VWA3A: variants seen among roughly 807,000 people sequenced by gnomAD.
VWA3A encodes the protein von Willebrand factor A domain containing 3A, also known as von Willebrand factor A domain-containing protein 3A.
A neutral mutation model predicts 160.4 loss-of-function variants in VWA3A; 134 were observed. The ratio of observed to expected loss-of-function variants is 0.84; its 90% CI spans 0.73 to 0.96. The LOEUF (loss-of-function observed/expected upper bound fraction) is 0.96, where lower values mean the gene tolerates loss of function less well. VWA3A is among the 40% of genes least tolerant of loss of function. The probability of loss-of-function intolerance (pLI) is 0.00; values close to 1 mark genes in which losing one functional copy is unlikely to be tolerated. For missense variants in VWA3A, 1,310 were observed against 1,447.9 expected (o/e 0.90, Z 1.55); for synonymous variants, 476 against 543.4 (o/e 0.88, Z 1.72).
Position 22,138,482 on chromosome 16 carries a change from C to A in VWA3A, c.2262C>A (p.Pro754=), listed in dbSNP as rs772059692. ...GTCAGCCCAAGAAGCTCTGCCCTCC[C>A]AGGCCCACCGTCCCCCTGGGGGCCA... ...LRSQPKKLCP[P]RPTVPLGARM... Residue 754 remains proline (P), a synonymous_variant, in exon 22 of 34, where the codon CCC becomes CCA. Coordinates refer to ENST00000389398, the MANE Select transcript of VWA3A (RefSeq NM_173615.5). 6.2e-7 allele frequency: 1 copy of A among 1,613,998 alleles called. No individual in the cohort carries two copies. The highest frequency in any genetic ancestry group is 8.5e-7 in the Non-Finnish European group (1 of 1,179,888).
chr16:22,110,411 T>A (rs1025877977), intron 7 of VWA3A, among the ~76,000 whole-genome samples: 1 of 152,210 alleles, frequency 6.6e-6, no homozygotes, highest in Admixed American at 6.5e-5. Flanking sequence ...TCTCAGTGGA[T>A]GTCAGGGGAC....
Position 22,092,576 on chromosome 16 carries a change from A to G in VWA3A, c.-62A>G. The G allele has an allele frequency of 6.5e-7, 1 of 1,544,358 alleles. No homozygotes were observed. The highest frequency in any genetic ancestry group is 8.8e-7 in the Non-Finnish European group (1 of 1,142,132). The stretch of plus-strand genomic sequence containing the variant: ...GAGGAGCTTGGAGAAACCAGAAGTG[A>G]GATCCAGGAGAAGTAAGGCCCTGGA... On this transcript the variant is annotated 5_prime_UTR_variant, in exon 1 of 34. Coordinates refer to ENST00000389398, the MANE Select transcript of VWA3A (RefSeq NM_173615.5).
chr16:22,156,187 T>G lies in VWA3A; in HGVS notation c.*170T>G. 1 of 463,076 alleles carries G rather than the reference T, an allele frequency of 2.2e-6. No homozygotes were observed. The highest frequency in any genetic ancestry group is 3.9e-6 in the Non-Finnish European group (1 of 257,240). The allele number at this position is 463,076 out of a possible 1,614,324, so 28.7% of individuals were successfully genotyped here. A position where few individuals can be genotyped will look rare whatever the true frequency, so the allele number is the denominator to read the frequency against. On this transcript the variant is annotated 3_prime_UTR_variant, in exon 34 of 34. Transcript: ENST00000389398. ...ACTTTGTCTTTTGTGTGAGGGGCCA[T>G]TCCCGGGTCTTAATCTAACTCTCCA...
intron 6 of VWA3A, among the ~76,000 whole-genome samples, chr16:22,107,453 A>G (rs1402182186): frequency 1.3e-5 from 2 of 152,204 alleles, no homozygotes; most frequent in Non-Finnish European, 2.9e-5. Flanking sequence ...TAGATAAAGA[A>G]GAGAGTGGCC....
At chr16:22,151,689 T>C (rs2046350789) in intron 30 of VWA3A, among the ~76,000 whole-genome samples, 1 of 151,562 alleles carries the variant, frequency 6.6e-6, no homozygotes, top group Non-Finnish European at 1.5e-5. Flanking sequence ...CTGGATATCA[T>C]AGCAAGATTC....
chr16:22,140,656 G>A (rs1598097161), intron 23 of VWA3A, among the ~76,000 whole-genome samples: 1 of 150,696 alleles, frequency 6.6e-6, no homozygotes, highest in Non-Finnish European at 1.5e-5. Flanking sequence ...TGTCACCCAG[G>A]CTGGAGTGCA....
At chr16:22,135,533 C>T (rs1370731475) in intron 21 of VWA3A, among the ~76,000 whole-genome samples, 1 of 152,182 alleles carries the variant, frequency 6.6e-6, no homozygotes, top group Non-Finnish European at 1.5e-5. Context: ...CACACCTCAT[C>T]CCATGTCAGC....
intron 12 of VWA3A, among the ~76,000 whole-genome samples, chr16:22,120,462 A>G (rs2045712901): frequency 6.6e-6 from 1 of 152,228 alleles, no homozygotes; most frequent in African/African-American, 2.4e-5. Flanking sequence ...TTCTTAAAAT[A>G]TTAATAATAA....
At chr16:22,108,852 GT>G (rs896868163) in intron 6 of VWA3A, among the ~76,000 whole-genome samples, 53 of 152,218 alleles carry the variant, frequency 3.5e-4, no homozygotes, top group African/African-American at 1.2e-3. Context: ...CTTATGATGG[GT>G]TTATCAGGAC....
intron 1 of VWA3A, among the ~76,000 whole-genome samples, chr16:22,095,764 T>C (rs971709389): frequency 5.3e-5 from 8 of 151,822 alleles, no homozygotes; most frequent in Non-Finnish European, 7.4e-5. Context: ...GTCTCGCTGG[T>C]TTGCCAAGGC....
chr16:22,097,759 G>A (rs771555161), intron 3 of VWA3A, 64 bp downstream of exon 3: 7 of 1,530,438 alleles, frequency 4.6e-6, no homozygotes, highest in Non-Finnish European at 6.2e-6. Context: ...TGCACAGTGT[G>A]TTAAATTCTG....
At chr16:22,142,450 T>C (rs993670846) in intron 24 of VWA3A, among the ~76,000 whole-genome samples, 11 of 152,046 alleles carry the variant, frequency 7.2e-5, no homozygotes, top group African/African-American at 2.7e-4. Flanking sequence ...CAGGCTTTTA[T>C]TTAACAGCCA....
At chr16:22,112,737 TA>T (rs142281845) in intron 8 of VWA3A, among the ~76,000 whole-genome samples, 12 of 148,334 alleles carry the variant, frequency 8.1e-5, no homozygotes, top group East Asian at 2.0e-4. Context: ...AGTAAAAAGT[TA>T]AAAAAAAAAG....
rs201569166 is a variant in VWA3A, at chr16:22,138,316, C to T, written c.2140-44C>T. 1.0e-3 allele frequency: 1,524 copies of T among 1,517,940 alleles called. 3 individuals are homozygous for T. The highest frequency in any genetic ancestry group is 3.1e-3 in the South Asian group (246 of 80,066). The allele number at this position is 1,517,940 out of a possible 1,614,324, so 94.0% of individuals were successfully genotyped here. A position where few individuals can be genotyped will look rare whatever the true frequency, so the allele number is the denominator to read the frequency against. On this transcript the variant is annotated intron_variant, in intron 21 of 33. Transcript: ENST00000389398. The stretch of plus-strand genomic sequence containing the variant: ...CTGTGTGTGTGTGTGTGTGTGTGTC[C>T]ACAGTGGCTGGGGGTGCCACTGACC...
chr16:22,126,398 G>T, intron 17 of VWA3A, 101 bp downstream of exon 17: 1 of 1,476,344 alleles, frequency 6.8e-7, no homozygotes, highest in Non-Finnish European at 9.0e-7. Context: ...AGATATTGAC[G>T]TCATGGTCAC....
At chr16:22,150,993 G>C in intron 30 of VWA3A, 147 bp downstream of exon 30, 1 of 1,060,562 alleles carries the variant, frequency 9.4e-7, no homozygotes, top group African/African-American at 1.6e-5. Flanking sequence ...GAAATTAGGA[G>C]AAGCGGCCGG....
intron 12 of VWA3A, 140 bp from the exon 13 acceptor site, chr16:22,120,828 A>G (rs2045720082): frequency 9.7e-7 from 1 of 1,028,062 alleles, no homozygotes; most frequent in Non-Finnish European, 1.4e-6. Context: ...GGATGATGGA[A>G]GGGAAAGGCA....
chr16:22,114,130 G>A (rs1004535498), intron 8 of VWA3A, among the ~76,000 whole-genome samples: 1 of 152,104 alleles, frequency 6.6e-6, no homozygotes, highest in African/African-American at 2.4e-5. Context: ...TGCTAGACCT[G>A]GGACTTATTC....
chr16:22,147,629 G>T, intron 27 of VWA3A: 1 of 703,254 alleles, frequency 1.4e-6, no homozygotes, highest in South Asian at 1.5e-5. Context: ...GCGTCATGAT[G>T]ACTGCTGCTT....
Sources: allele counts gnomAD v4.1 joint callset (sites outside exome capture counted in the v4.1 genomes callset), GRCh38; gene constraint gnomAD v4.1.1; transcripts MANE v1.5; gene names NCBI Gene and HGNC (gene_info 2026-07-23, HGNC 2026-07-21).